The following ZUP1 variants were observed in gnomAD, a reference collection of about 807,000 sequenced individuals.
The protein encoded by ZUP1 is zinc finger-containing ubiquitin peptidase 1.
A neutral mutation model predicts 68.1 loss-of-function variants in ZUP1; 55 were observed. That is an observed-to-expected ratio of 0.81 (90% CI 0.65 to 1.01). The LOEUF (loss-of-function observed/expected upper bound fraction) is 1.01, where lower values mean the gene tolerates loss of function less well. Ranked by LOEUF, ZUP1 falls within the 50% of genes least tolerant of loss-of-function variation. ZUP1 has a pLI of 0.00. For synonymous variants in ZUP1, 223 were observed against 221.5 expected (o/e 1.01, Z -0.06); for missense variants, 684 against 674.9 (o/e 1.01, Z -0.15).
In ZUP1 at chr6:116,656,799, A is replaced by G; in HGVS notation, c.846T>C (p.Asn282=). The change falls in exon 5 of 10, where the codon AAT becomes AAC. Residue 282 remains asparagine (N), a synonymous_variant. Transcript: ENST00000368576. ...TTCCCCTATTTACTTCTATCTCCAT[A>G]TTTCGTAGTTGTTGTTGTTTGTATC... ...SGGYKQQQLR[N]MEIEVNRGRM... is the part of the protein sequence containing the mutation. 1.2e-6 allele frequency: 2 copies of G among 1,610,190 alleles called. No homozygotes were observed. Among genetic ancestry groups the G allele is most frequent in the Non-Finnish European group, 1.7e-6 (2 of 1,177,498 alleles).
At chr6:116,636,924 T>C (rs1363557608) in intron 9 of ZUP1, among the ~76,000 whole-genome samples, 1 of 152,122 alleles carries the variant, frequency 6.6e-6, no homozygotes, top group African/African-American at 2.4e-5. Flanking sequence ...AGCTGCAGAC[T>C]TTTACCTGAT....
intron 4 of ZUP1, 118 bp from the exon 5 acceptor site, chr6:116,656,970 A>G: frequency 1.6e-6 from 1 of 638,082 alleles, no homozygotes; most frequent in Non-Finnish European, 2.4e-6. Flanking sequence ...TAGACTTTAT[A>G]CAAGTTAACT....
At chr6:116,646,879 A>T (rs771325975) in intron 8 of ZUP1, among the ~76,000 whole-genome samples, 17 of 152,096 alleles carry the variant, frequency 1.1e-4, no homozygotes, top group Non-Finnish European at 1.8e-4. Flanking sequence ...CCTGGCCTTG[A>T]GTTCTACTTT....
intron 2 of ZUP1, 22 bp downstream of exon 2, chr6:116,666,612 T>C (rs748524591): frequency 4.6e-6 from 7 of 1,520,788 alleles, no homozygotes; most frequent in African/African-American, 1.4e-5. Flanking sequence ...ACTTATAATT[T>C]ATAATGAAAT....
rs912461795 is a variant in ZUP1, at chr6:116,645,999, T to C, written c.1469-65A>G. 10 of 1,170,992 alleles carry C rather than the reference T, an allele frequency of 8.5e-6. No homozygotes were observed. In the African/African-American group the frequency reaches 1.4e-4, roughly 16 times the overall value. 72.5% of individuals were successfully genotyped at this position (1,170,992 alleles called of 1,614,324 possible). On this transcript the variant is annotated intron_variant, in intron 8 of 9. Coordinates refer to ENST00000368576, the MANE Select transcript of ZUP1 (RefSeq NM_145062.3). ...TTTACAGTTATACAAATAGTCTCTG[T>C]ATGTATGTTGTGTGATCATATGTGT... is the stretch of plus-strand genomic sequence containing the variant.
At chr6:116,657,217 C>T (rs1489123311) in intron 4 of ZUP1, among the ~76,000 whole-genome samples, 1 of 152,222 alleles carries the variant, frequency 6.6e-6, no homozygotes, top group East Asian at 1.9e-4. Context: ...ATTTGGTTCC[C>T]AGTCTAGTCC....
At chr6:116,661,903 A>G (rs544898728) in intron 2 of ZUP1, among the ~76,000 whole-genome samples, 1 of 152,356 alleles carries the variant, frequency 6.6e-6, no homozygotes, top group African/African-American at 2.4e-5. Flanking sequence ...TACAAACTGA[A>G]AAAGTTACCT....
chr6:116,636,383 G>A lies in ZUP1; in HGVS notation c.1690-504C>T, dbSNP rs369835353. 5.1e-4 allele frequency among the ~76,000 whole-genome samples: 77 copies of A among 152,230 alleles called. No homozygotes were observed. In the South Asian group the frequency reaches 0.015, roughly 30 times the overall value. On this transcript the variant is annotated intron_variant, in intron 9 of 9. Transcript: ENST00000368576. The stretch of plus-strand genomic sequence containing the variant: ...CAAGCTGAGAATACAAGGATGACAC[G>A]ATGGAAAATTTACGAATATAGTGGG...
chr6:116,655,068 A>G (rs1486689344), intron 5 of ZUP1, among the ~76,000 whole-genome samples: 1 of 152,092 alleles, frequency 6.6e-6, no homozygotes, highest in Non-Finnish European at 1.5e-5. Context: ...AGCAATCTAA[A>G]TGTTTATCAA....
intron 5 of ZUP1, 31 bp from the exon 6 acceptor site, chr6:116,652,223 AT>A (rs758530549): frequency 1.3e-6 from 2 of 1,562,876 alleles, no homozygotes; most frequent in East Asian, 4.5e-5. Context: ...AGAAGCAGTC[AT>A]TATCACCTTT....
At chr6:116,653,782 T>C (rs894233363) in intron 5 of ZUP1, among the ~76,000 whole-genome samples, 4 of 151,746 alleles carry the variant, frequency 2.6e-5, no homozygotes, top group African/African-American at 7.3e-5. Flanking sequence ...ACAGAAAAAA[T>C]AGAAAGGAAA....
At chr6:116,650,155 G>T (rs958587028) in intron 7 of ZUP1, among the ~76,000 whole-genome samples, 3 of 152,136 alleles carry the variant, frequency 2.0e-5, no homozygotes, top group African/African-American at 7.2e-5. Flanking sequence ...GGGCGCCGTG[G>T]CTCAAGCCTG....
intron 7 of ZUP1, among the ~76,000 whole-genome samples, chr6:116,650,780 T>C (rs898801165): frequency 2.6e-5 from 4 of 152,114 alleles, no homozygotes; most frequent in African/African-American, 9.7e-5. Flanking sequence ...GAAAAACAAA[T>C]GCCCAACACA....
In ZUP1 at chr6:116,635,888, G is replaced by GA. The variant is rs1293589108; in HGVS notation, c.1690-10dup. Reference sequence around the variant, plus strand: ...GAAGCTTGTCTCCTGGCCTTGAAAAGAAATTTTAAAAAACAATTTTAAGCT... The same window carrying GA: ...GAAGCTTGTCTCCTGGCCTTGAAAAGAAAATTTTAAAAAACAATTTTAAGCT... On this transcript the variant is annotated splice_polypyrimidine_tract_variant and intron_variant, in intron 9 of 9. Coordinates refer to ENST00000368576, the MANE Select transcript of ZUP1 (RefSeq NM_145062.3). 1 of 1,573,718 alleles carries GA rather than the reference G, an allele frequency of 6.4e-7. No homozygotes were observed. Among genetic ancestry groups the GA allele is most frequent in the East Asian group, 2.3e-5 (1 of 43,592 alleles).
chr6:116,666,133 C>A (rs1004502310), intron 2 of ZUP1, among the ~76,000 whole-genome samples: 1 of 152,124 alleles, frequency 6.6e-6, no homozygotes, highest in African/African-American at 2.4e-5. Context: ...ACAACAGGAT[C>A]TAGTGACATA....
Position 116,660,861 on chromosome 6 carries a change from T to C in ZUP1, c.560-15A>G. The stretch of plus-strand genomic sequence containing the variant: ...TTGATCACAGTCTGTATCAGAGATA[T>C]AATTAAGTTGTTTTTATTTTTTTAT... On this transcript the variant is annotated splice_polypyrimidine_tract_variant and intron_variant, in intron 2 of 9. Transcript: ENST00000368576. 1.5e-6 allele frequency: 2 copies of C among 1,356,244 alleles called. No homozygotes were observed. The highest frequency in any genetic ancestry group is 2.0e-6 in the Non-Finnish European group (2 of 979,738). The allele number at this position is 1,356,244 out of a possible 1,614,324, so 84.0% of individuals were successfully genotyped here. A position where few individuals can be genotyped will look rare whatever the true frequency, so the allele number is the denominator to read the frequency against.
Position 116,651,745 on chromosome 6 carries a change from T to C in ZUP1, c.1151-8A>G, listed in dbSNP as rs190456941. Reference sequence around the variant, plus strand: ...TGCAAGGAATCAACATACCTAAAATTACACAAGCAAACATGTTACATGACT... The same window carrying C: ...TGCAAGGAATCAACATACCTAAAATCACACAAGCAAACATGTTACATGACT... On this transcript the variant is annotated splice_polypyrimidine_tract_variant and splice_region_variant and intron_variant, in intron 6 of 9. Transcript: ENST00000368576. 201 of 1,612,808 alleles carry C rather than the reference T, an allele frequency of 1.2e-4. No homozygotes were observed. In the East Asian group the frequency reaches 3.8e-3, roughly 30 times the overall value.
intron 9 of ZUP1, among the ~76,000 whole-genome samples, chr6:116,643,510 T>G (rs971159791): frequency 6.6e-6 from 1 of 152,036 alleles, no homozygotes; most frequent in Non-Finnish European, 1.5e-5. Context: ...ATGGAACAGA[T>G]CAGAGCCCTC....
Position 116,635,725 on chromosome 6 carries a change from G to T in ZUP1, c.*107C>A. On this transcript the variant is annotated 3_prime_UTR_variant, in exon 10 of 10. Coordinates refer to ENST00000368576, the MANE Select transcript of ZUP1 (RefSeq NM_145062.3). ...TTTTAGAAATTAAATTATATGTTAAGACTTAAGAGAATTCACAGATTCATA... is the reference window on the plus strand; with the variant it reads ...TTTTAGAAATTAAATTATATGTTAATACTTAAGAGAATTCACAGATTCATA... The T allele has an allele frequency of 1.2e-6, 1 of 809,608 alleles. No individual in the cohort carries two copies. The allele number at this position is 809,608 out of a possible 1,614,324, so 50.2% of individuals were successfully genotyped here.
Sources: gnomAD v4.1 joint callset for allele counts (sites outside exome capture counted in the v4.1 genomes callset) on GRCh38, gnomAD v4.1.1 for gene constraint, MANE v1.5 for transcripts, NCBI Gene and HGNC (gene_info 2026-07-23, HGNC 2026-07-21) for gene names.